The following CHD9 variants were observed in gnomAD, a reference collection of about 807,000 sequenced individuals.
CHD9 encodes chromodomain helicase DNA binding protein 9.
CHD9 carries 77 observed loss-of-function variants against 316.1 expected under a neutral mutation model. That is an observed-to-expected ratio of 0.24 (90% CI 0.20 to 0.29). The LOEUF (loss-of-function observed/expected upper bound fraction) is 0.29. CHD9 is among the 10% of genes least tolerant of loss of function. The pLI, the probability that CHD9 is intolerant of heterozygous loss-of-function variation, is 1.00. For synonymous variants in CHD9, 1,129 were observed against 1,158.3 expected, an observed-to-expected ratio of 0.97 and a Z score of 0.51; for missense variants, 2,763 against 3,438.1, an observed-to-expected ratio of 0.80 and a Z score of 4.91.
chr16:53,201,079 C>T (rs912271840), intron 2 of CHD9, among the ~76,000 whole-genome samples: 1 of 151,834 alleles, frequency 6.6e-6, no homozygotes. Flanking sequence ...GAACCAGAAC[C>T]CAGGGCTGGC....
intron 1 of CHD9, among the ~76,000 whole-genome samples, chr16:53,087,709 AG>A (rs2035580109): frequency 6.6e-6 from 1 of 152,198 alleles, no homozygotes; most frequent in Non-Finnish European, 1.5e-5. Flanking sequence ...GCACTTTGGA[AG>A]GCCAAAGCAG....
chr16:53,099,374 G>A (rs540979339), intron 1 of CHD9: 2 of 152,376 alleles, frequency 1.3e-5, no homozygotes, highest in East Asian at 3.9e-4. Flanking sequence ...TTTCTTTTAG[G>A]GGCCTGGGTC....
In CHD9 at chr16:53,285,307, C is replaced by G. The variant is rs140392656; in HGVS notation, c.4968-289C>G. 7.6e-3 allele frequency among the ~76,000 whole-genome samples: 1,154 copies of G among 152,144 alleles called. 17 individuals are homozygous for G. Among genetic ancestry groups the G allele is most frequent in the African/African-American group, 0.026 (1,091 of 41,520 alleles). On this transcript the variant is annotated intron_variant, in intron 24 of 38. Coordinates refer to ENST00000447540, the MANE Select transcript of CHD9 (RefSeq NM_001308319.2). ...CTACTTCCAATAGAACCCTTTGTCT[C>G]TAAATAAAGAAAATCAGTGAAAGAA...
intron 2 of CHD9, among the ~76,000 whole-genome samples, chr16:53,186,417 A>G (rs1389019795): frequency 1.3e-5 from 2 of 152,204 alleles, no homozygotes; most frequent in Admixed American, 6.5e-5. Context: ...CCTTCATTGT[A>G]TCTAGGAAGT....
intron 1 of CHD9, among the ~76,000 whole-genome samples, chr16:53,056,927 CGCTTGAG>C (rs1425758194): frequency 1.3e-5 from 2 of 151,392 alleles, no homozygotes; most frequent in Non-Finnish European, 1.5e-5. Flanking sequence ...GCAGGAGGAT[CGCTTGAG>C]GCTAGGAGTT....
intron 2 of CHD9, chr16:53,208,337 C>T: frequency 1.6e-6 from 2 of 1,279,554 alleles, no homozygotes; most frequent in Non-Finnish European, 2.0e-6. Context: ...GTGAAGAGGC[C>T]AAGAGGAAGG....
intron 32 of CHD9, among the ~76,000 whole-genome samples, chr16:53,306,866 G>A (rs552406216): frequency 4.6e-5 from 7 of 151,942 alleles, no homozygotes; most frequent in East Asian, 1.9e-4. Flanking sequence ...TGCAACCTCC[G>A]CCTCCCAGGT....
At chr16:53,262,699 C>G (rs964416020) in intron 19 of CHD9, among the ~76,000 whole-genome samples, 1 of 152,094 alleles carries the variant, frequency 6.6e-6, no homozygotes. Context: ...AAACCATACC[C>G]CCATTCTCTG....
In CHD9 at chr16:53,226,453, A is replaced by T. The variant is rs200018633; in HGVS notation, c.1984A>T (p.Met662Leu). Residue 662 changes from methionine (M) to leucine (L), a missense_variant, in exon 5 of 39, where the codon ATG (methionine) becomes TTG (leucine). By Grantham distance (15) the Met-to-Leu change is conservative. This residue lies in a region of CHD9 where 859 missense variants were observed against 890.4 expected (regional missense o/e 0.96). Coordinates refer to ENST00000447540, the MANE Select transcript of CHD9 (RefSeq NM_001308319.2). ...KQSEEEVKGS[M>L]KIKKNSAPLP... ...ATCTGAAGAAGAGGTTAAAGGTTCT[A>T]TGAAAATAAAAAAGAATTCAGCTCC... 6.2e-7 allele frequency: 1 copy of T among 1,607,616 alleles called. No individual in the cohort carries two copies. Among genetic ancestry groups the T allele is most frequent in the Non-Finnish European group, 8.5e-7 (1 of 1,178,250 alleles).
chr16:53,302,187 T>C (rs2055503909), intron 30 of CHD9, among the ~76,000 whole-genome samples: 2 of 152,258 alleles, frequency 1.3e-5, no homozygotes, highest in South Asian at 4.1e-4. Context: ...TTTCAACTAA[T>C]GTCCCTTTTT....
chr16:53,236,921 T>C lies in CHD9; in HGVS notation c.2634-1422T>C, dbSNP rs572074803. On this transcript the variant is annotated intron_variant, in intron 11 of 38. Coordinates refer to ENST00000447540, the MANE Select transcript of CHD9 (RefSeq NM_001308319.2). ...CCTTGGGTTCTGTCTTTAGCTCTCT[T>C]TTCATATTACATTTGTTCTCCCTAA... is the stretch of plus-strand genomic sequence containing the variant. 2.6e-5 allele frequency among the ~76,000 whole-genome samples: 4 copies of C among 151,932 alleles called. No homozygotes were observed. The South Asian group carries it at 8.3e-4, about 32-fold the overall frequency.
At position 53,126,650 on chromosome 16, in the gene CHD9, GTTCA is replaced by G. The variant is rs897275206; in HGVS notation, c.-164-29264_-164-29261del. Among the ~76,000 whole-genome samples, 9 of 121,982 alleles carry G rather than the reference GTTCA, an allele frequency of 7.4e-5. 1 individual carries two copies. The highest frequency in any genetic ancestry group is 6.2e-4 in the Admixed American group (6 of 9,676). The allele number at this position is 121,982 out of a possible 152,430, so 80.0% of individuals were successfully genotyped here. ...TTTTCTCCCTTCCTTCCTTCCTTTC[GTTCA>G]TTCATTCATTCTTTCTTTCGTTCTT... On this transcript the variant is annotated intron_variant, in intron 1 of 38. Transcript: ENST00000447540.
At chr16:53,200,766 T>A (rs1230889473) in intron 2 of CHD9, among the ~76,000 whole-genome samples, 3 of 152,124 alleles carry the variant, frequency 2.0e-5, no homozygotes, top group Non-Finnish European at 4.4e-5. Context: ...AAAAAAGACA[T>A]TTACATGGAG....
chr16:53,324,228 A>G lies in CHD9; in HGVS notation c.8027A>G (p.Gln2676Arg), dbSNP rs748168108. The part of the protein sequence containing the change: ...GVDLTTLQAL[Q>R]QNLQNLQSLQ... ...GATCTCACAACTCTTCAGGCCTTAC[A>G]ACAAAACCTACAAAACTTGCAGTCA... The change falls in exon 39 of 39, where the codon CAA becomes CGA. Residue 2676 changes from glutamine (Q) to arginine (R), a missense_variant. Physicochemically the swap from Gln to Arg is conservative, Grantham distance 43 (BLOSUM62 1). Coordinates refer to ENST00000447540, the MANE Select transcript of CHD9 (RefSeq NM_001308319.2). 17 of 1,613,682 alleles carry G rather than the reference A, an allele frequency of 1.1e-5. No individual in the cohort carries two copies. Among genetic ancestry groups the G allele is most frequent in the Non-Finnish European group, 1.2e-5 (14 of 1,179,804 alleles).
rs573022290 is a variant in CHD9 at position 53,138,787 on chromosome 16, C to G, written c.-164-17139C>G. Among the ~76,000 whole-genome samples the G allele has an allele frequency of 3.3e-5, 5 of 152,218 alleles. No homozygotes were observed. The East Asian group carries it at 9.7e-4, about 29-fold the overall frequency. ...AGTACACATTTATGGGGACAAACTA[C>G]AGAGTACAAGAAGTTAACAAGTAAA... On this transcript the variant is annotated intron_variant, in intron 1 of 38. Coordinates refer to ENST00000447540, the MANE Select transcript of CHD9 (RefSeq NM_001308319.2).
At chr16:53,234,558 CT>C (rs77748082) in intron 10 of CHD9, among the ~76,000 whole-genome samples, 42,256 of 151,806 alleles carry the variant, frequency 0.28, 5,973 homozygotes, top group Middle Eastern at 0.32. Flanking sequence ...TTCTCAAATA[CT>C]TTTTCTGCAT....
chr16:53,274,090 C>A, intron 23 of CHD9, 123 bp from the exon 24 acceptor site: 1 of 690,500 alleles, frequency 1.4e-6, no homozygotes, highest in Non-Finnish European at 2.5e-6. Flanking sequence ...TTCATTTAAT[C>A]AGAAGTAATA....
intron 1 of CHD9, among the ~76,000 whole-genome samples, chr16:53,079,976 G>A (rs780284512): frequency 7.2e-5 from 11 of 152,194 alleles, no homozygotes; most frequent in Non-Finnish European, 1.3e-4. Flanking sequence ...TGAGGAGGGG[G>A]GCATGGGGAC....
intron 1 of CHD9, among the ~76,000 whole-genome samples, chr16:53,100,651 A>G (rs1019613197): frequency 1.3e-5 from 2 of 152,024 alleles, no homozygotes; most frequent in African/African-American, 4.8e-5. Context: ...GTAGGGATGG[A>G]GTCTCACCAT....
Sources: allele counts gnomAD v4.1 joint callset (sites outside exome capture counted in the v4.1 genomes callset), GRCh38; gene constraint gnomAD v4.1.1; regional missense constraint gnomAD v4.1.1; transcripts MANE v1.5; gene names NCBI Gene and HGNC (gene_info 2026-07-23, HGNC 2026-07-21).